The following SMARCA2 variants were observed in gnomAD, a reference collection of about 807,000 sequenced individuals.
SMARCA2 encodes SWI/SNF related BAF chromatin remodeling complex subunit ATPase 2, also known as SWI/SNF-related matrix-associated actin-dependent regulator of chromatin subfamily A member 2.
Under a neutral mutation model 199.8 loss-of-function variants are expected in SMARCA2, and 61 were observed. The ratio of observed to expected loss-of-function variants is 0.31; its 90% CI spans 0.25 to 0.38. SMARCA2 has a LOEUF of 0.38. SMARCA2 is among the 10% of genes least tolerant of loss of function. SMARCA2 has a pLI of 1.00. For missense variants in SMARCA2, 1,344 were observed against 2,012.2 expected (o/e 0.67, Z 6.35); for synonymous variants, 935 against 732.0 (o/e 1.28, Z -4.48).
chr9:2,075,781 C>A (rs1274188484), intron 12 of SMARCA2, among the ~76,000 whole-genome samples: 2 of 152,156 alleles, frequency 1.3e-5, no homozygotes, highest in Admixed American at 6.5e-5. Flanking sequence ...CCTCAGCCCC[C>A]CGAGTAGCTG....
intron 27 of SMARCA2, among the ~76,000 whole-genome samples, chr9:2,135,936 G>A (rs1045491776): frequency 6.6e-6 from 1 of 152,208 alleles, no homozygotes; most frequent in South Asian, 2.1e-4. Flanking sequence ...CCGCCTCCCA[G>A]GTTCAAGTAA....
At position 2,097,465 on chromosome 9, in the gene SMARCA2, C is replaced by A; in HGVS notation, c.3072C>A (p.His1024Gln). Residue 1024 changes from histidine (H) to glutamine (Q), a missense_variant, in exon 21 of 34, where the codon CAC becomes CAA. His to Gln is a conservative substitution (Grantham distance 24, BLOSUM62 0). Around this residue, in one of 18 missense-constraint regions of SMARCA2, gnomAD observed 98 missense variants for 245.6 expected, o/e 0.40. Transcript: ENST00000349721. ...GCAACCACCCATATATGTTTCAGCA[C>A]ATTGAGGTAAGTCTGTATTGTGTGT... is the stretch of plus-strand genomic sequence containing the variant. ...KICNHPYMFQHIEESFAEHLG... is the reference protein window; with the variant it reads ...KICNHPYMFQQIEESFAEHLG... The A allele has an allele frequency of 6.3e-7, 1 of 1,594,464 alleles. No homozygotes were observed. Among genetic ancestry groups the A allele is most frequent in the Non-Finnish European group, 8.6e-7 (1 of 1,163,218 alleles).
rs1826159245 is a variant in SMARCA2, at chr9:2,169,994, T to C, written c.4200-425T>C. On this transcript the variant is annotated intron_variant, in intron 28 of 33. Coordinates refer to ENST00000349721, the MANE Select transcript of SMARCA2 (RefSeq NM_003070.5). This position sits in a 1 kb window ranked among gnomAD's most constrained non-coding sequence, Gnocchi z 6.5. ...GCTACTGTAAGAAAGCACTTTATCCTATTTAATTTTTATAACTTTCTGAGG... is the reference window on the plus strand; with the variant it reads ...GCTACTGTAAGAAAGCACTTTATCCCATTTAATTTTTATAACTTTCTGAGG... Among the ~76,000 whole-genome samples, 1 of 152,138 alleles carries C rather than the reference T, an allele frequency of 6.6e-6. No individual in the cohort carries two copies. Among genetic ancestry groups the C allele is most frequent in the Non-Finnish European group, 1.5e-5 (1 of 68,016 alleles).
chr9:2,131,790 A>G (rs887028077), intron 27 of SMARCA2, among the ~76,000 whole-genome samples: 2 of 152,136 alleles, frequency 1.3e-5, no homozygotes, highest in African/African-American at 4.8e-5. Flanking sequence ...AAATGCAAAA[A>G]TTAGCTGGGC....
chr9:2,183,066 C>A (rs781129837), intron 31 of SMARCA2, among the ~76,000 whole-genome samples: 3 of 152,220 alleles, frequency 2.0e-5, no homozygotes, highest in Non-Finnish European at 4.4e-5. Flanking sequence ...GCTGGGATTA[C>A]AGGTGTGCAC....
intron 8 of SMARCA2, among the ~76,000 whole-genome samples, chr9:2,059,081 G>C (rs558526367): frequency 1.3e-5 from 2 of 152,220 alleles, no homozygotes; most frequent in African/African-American, 4.8e-5. Flanking sequence ...AGAAGAGATA[G>C]GTTTATATCA....
At position 2,170,525 on chromosome 9, in the gene SMARCA2, C is replaced by G. The variant is rs73641005; in HGVS notation, c.4253+53C>G. 3.8e-5 allele frequency: 62 copies of G among 1,612,778 alleles called. No homozygotes were observed. The highest frequency in any genetic ancestry group is 5.2e-5 in the Non-Finnish European group (61 of 1,179,426). ...CTCTAAATACAGGTATCCCTCGTTACGTGAAACAGATTGAATCATATAATC... is the reference window on the plus strand; with the variant it reads ...CTCTAAATACAGGTATCCCTCGTTAGGTGAAACAGATTGAATCATATAATC... On this transcript the variant is annotated intron_variant, in intron 29 of 33. Transcript: ENST00000349721. This position sits in a 1 kb window ranked among gnomAD's most constrained non-coding sequence, Gnocchi z 4.7.
rs1013966953 is a variant in SMARCA2 at position 2,115,304 on chromosome 9, C to T, written c.3457-518C>T. On this transcript the variant is annotated intron_variant, in intron 24 of 33. Transcript: ENST00000349721. This position sits in a 1 kb window ranked among gnomAD's most constrained non-coding sequence, Gnocchi z 6.0. ...ACCGAGTCTTTGATAAGGTTAGGTT[C>T]GAGGAAATTGACTACCTGAGCAGTC... is the stretch of plus-strand genomic sequence containing the variant. 6.6e-6 allele frequency among the ~76,000 whole-genome samples: 1 copy of T among 152,028 alleles called. No individual in the cohort carries two copies. The highest frequency in any genetic ancestry group is 2.4e-5 in the African/African-American group (1 of 41,392).
intron 32 of SMARCA2, among the ~76,000 whole-genome samples, chr9:2,186,863 C>CG (rs1827494927): frequency 9.4e-6 from 1 of 106,718 alleles, no homozygotes; most frequent in African/African-American, 2.8e-5. Context: ...GAATATTAGC[C>CG]TACTACACAT....
At chr9:2,026,627 C>T (rs1451120439) in intron 1 of SMARCA2, among the ~76,000 whole-genome samples, 1 of 152,164 alleles carries the variant, frequency 6.6e-6, no homozygotes, top group Non-Finnish European at 1.5e-5. Context: ...CTTCATTGTT[C>T]AAACTCGTGG....
intron 1 of SMARCA2, among the ~76,000 whole-genome samples, chr9:2,015,761 C>T (rs1209838171): frequency 1.3e-5 from 2 of 152,208 alleles, no homozygotes; most frequent in South Asian, 2.1e-4. Context: ...CAAGCCACAG[C>T]CTTGATCCTG....
intron 1 of SMARCA2, among the ~76,000 whole-genome samples, chr9:2,022,314 C>A (rs1399246441): frequency 1.1e-4 from 17 of 152,164 alleles, no homozygotes; most frequent in Non-Finnish European, 2.9e-5. Context: ...GTCTTCATAT[C>A]TCATATTTTA....
intron 8 of SMARCA2, among the ~76,000 whole-genome samples, 194 bp downstream of exon 8, chr9:2,058,658 G>C (rs151304192): frequency 2.2e-4 from 33 of 152,206 alleles, no homozygotes; most frequent in African/African-American, 7.7e-4. Flanking sequence ...AAAAATCTAG[G>C]GGGATGACTG....
chr9:2,105,232 GA>G (rs1308605227), intron 23 of SMARCA2, among the ~76,000 whole-genome samples: 1 of 148,964 alleles, frequency 6.7e-6, no homozygotes, highest in Admixed American at 6.6e-5. Context: ...TGACAAACTT[GA>G]TTTTTTTTTT....
intron 21 of SMARCA2, 39 bp from the exon 22 acceptor site, chr9:2,101,531 A>G (rs754174686): frequency 5.2e-6 from 6 of 1,143,238 alleles, no homozygotes; most frequent in African/African-American, 1.6e-5. Context: ...TAATAATTAC[A>G]TTTTTTAAAA....
intron 18 of SMARCA2, 69 bp from the exon 19 acceptor site, chr9:2,088,431 C>T: frequency 1.3e-6 from 2 of 1,508,356 alleles, no homozygotes; most frequent in Non-Finnish European, 1.8e-6. Flanking sequence ...ACATATGTAA[C>T]ATAAAGCTTT....
chr9:2,077,553 A>G (rs559500529), intron 13 of SMARCA2, 76 bp from the exon 14 acceptor site: 2 of 1,470,464 alleles, frequency 1.4e-6, no homozygotes, highest in Non-Finnish European at 9.4e-7. Context: ...AGGTTCTCAA[A>G]TCATTTTTTG....
intron 8 of SMARCA2, among the ~76,000 whole-genome samples, chr9:2,060,284 A>G (rs1326723733): frequency 2.6e-5 from 4 of 152,158 alleles, no homozygotes; most frequent in African/African-American, 4.8e-5. Flanking sequence ...TGAAATATTT[A>G]TGAATGAAAG....
intron 20 of SMARCA2, 172 bp from the exon 21 acceptor site, chr9:2,097,213 G>A (rs996784015): frequency 3.7e-6 from 2 of 547,162 alleles, no homozygotes; most frequent in South Asian, 2.6e-5. Context: ...AAGACATTAT[G>A]TCTAACTCAG....
Sources: gnomAD v4.1 joint callset for allele counts (sites outside exome capture counted in the v4.1 genomes callset) on GRCh38, gnomAD v4.1.1 for gene constraint, gnomAD v4.1.1 regional missense constraint, Gnocchi (gnomAD v3.1) non-coding constraint, MANE v1.5 for transcripts, NCBI Gene and HGNC (gene_info 2026-07-23, HGNC 2026-07-21) for gene names.